Variants in SCARA3 observed in about 807,000 individuals in gnomAD.
SCARA3 encodes the protein scavenger receptor class A member 3, also known as cellular stress response gene protein.
Under a neutral mutation model 47.0 loss-of-function variants are expected in SCARA3, and 39 were observed. The observed-to-expected ratio is 0.83, with a 90% CI of 0.64 to 1.08. The LOEUF is 1.08. SCARA3 is among the 50% of genes least tolerant of loss of function. The pLI is 0.00. For missense variants in SCARA3, 724 were observed against 792.3 expected, an observed-to-expected ratio of 0.91 and a Z score of 1.04; for synonymous variants, 356 against 334.1, an observed-to-expected ratio of 1.07 and a Z score of -0.71.
intron 3 of SCARA3, among the ~76,000 whole-genome samples, chr8:27,655,076 A>C (rs1801715416): frequency 6.6e-6 from 1 of 152,208 alleles, no homozygotes. Flanking sequence ...GTTACTAATT[A>C]AGTAAATCTA....
At chr8:27,674,239 A>G (rs527456568), downstream of SCARA3, among the ~76,000 whole-genome samples, 1 of 152,212 alleles carries the variant, frequency 6.6e-6, no homozygotes, top group Non-Finnish European at 1.5e-5. Flanking sequence ...CAAAGCTTGA[A>G]GCAAATGCTG....
At chr8:27,729,577 G>A in the SCARA3 span, among the ~76,000 whole-genome samples, 1 of 152,156 alleles carries the variant, frequency 6.6e-6, no homozygotes, top group Non-Finnish European at 1.5e-5. Context: ...GATTGCCTGA[G>A]CTCAGGAGTT....
the SCARA3 span, among the ~76,000 whole-genome samples, chr8:27,699,051 TG>T: frequency 6.6e-5 from 10 of 152,014 alleles, no homozygotes; most frequent in African/African-American, 2.4e-4. Flanking sequence ...GAGACCATCC[TG>T]GCTAACATGG....
At chr8:27,682,841 A>G in the SCARA3 span, among the ~76,000 whole-genome samples, 5 of 152,202 alleles carry the variant, frequency 3.3e-5, no homozygotes, top group South Asian at 2.1e-4. Context: ...AGGTATTGAT[A>G]GATAACTACT....
chr8:27,671,123 A>G lies in SCARA3; in HGVS notation c.1593A>G (p.Gly531=), dbSNP rs748887454. Residue 531 remains glycine, a synonymous_variant, in exon 6 of 6, where the codon GGA becomes GGG. Coordinates refer to ENST00000301904, the MANE Select transcript of SCARA3 (RefSeq NM_016240.3). ...GCTCAAAGGGCAGCTTTGGAACTGG[A>G]GGGCCGAGAGGACAGCCAGGCCCAA... The part of the protein sequence containing the change: ...LKGSKGSFGT[G]GPRGQPGPKG... 1 of 1,584,156 alleles carries G rather than the reference A, an allele frequency of 6.3e-7. No individual in the cohort carries two copies. Among genetic ancestry groups the G allele is most frequent in the East Asian group, 2.3e-5 (1 of 43,294 alleles).
intron 3 of SCARA3, among the ~76,000 whole-genome samples, chr8:27,654,612 T>C (rs116731029): frequency 0.02 from 2,951 of 146,004 alleles, 90 homozygotes; most frequent in African/African-American, 0.069. Flanking sequence ...AAAAAAAAAA[T>C]TGAAAATTAA....
the SCARA3 span, among the ~76,000 whole-genome samples, chr8:27,692,184 G>A: frequency 6.6e-6 from 1 of 152,144 alleles, no homozygotes; most frequent in Non-Finnish European, 1.5e-5. Flanking sequence ...TGTAATCCCA[G>A]CACTTTGGGT....
the SCARA3 span, chr8:27,697,170 A>C: frequency 1.9e-5 from 4 of 205,926 alleles, no homozygotes; most frequent in South Asian, 3.9e-4. Context: ...AGTGTGTCCT[A>C]AGGCAGTTCA....
chr8:27,690,743 T>C, the SCARA3 span, among the ~76,000 whole-genome samples: 3 of 152,196 alleles, frequency 2.0e-5, no homozygotes, highest in Non-Finnish European at 4.4e-5. Context: ...TCACCCAGGC[T>C]GTAGTGCAGT....
chr8:27,716,868 C>T, the SCARA3 span, among the ~76,000 whole-genome samples: 2 of 152,144 alleles, frequency 1.3e-5, no homozygotes, highest in African/African-American at 2.4e-5. Context: ...AAACGAACAC[C>T]GCCAGGAATG....
chr8:27,633,644 G>T (rs1333398022), upstream of SCARA3, among the ~76,000 whole-genome samples: 1 of 152,164 alleles, frequency 6.6e-6, no homozygotes, highest in East Asian at 1.9e-4. Context: ...AGGACGCCGC[G>T]GGAGCCCGGG....
downstream of SCARA3, among the ~76,000 whole-genome samples, chr8:27,678,858 A>T (rs1221353709): frequency 1.3e-5 from 2 of 152,218 alleles, no homozygotes; most frequent in South Asian, 4.1e-4. Flanking sequence ...AGTGGGGTTT[A>T]TCTCAGTATA....
chr8:27,656,965 C>T (rs1216661787), intron 4 of SCARA3, 85 bp downstream of exon 4: 10 of 844,316 alleles, frequency 1.2e-5, no homozygotes, highest in Middle Eastern at 2.4e-4. Flanking sequence ...GCCCCAGCAC[C>T]AAGCAACCTT....
chr8:27,674,202 G>T (rs1014189126), downstream of SCARA3, among the ~76,000 whole-genome samples: 3 of 152,212 alleles, frequency 2.0e-5, no homozygotes, highest in African/African-American at 7.2e-5. Flanking sequence ...GGAACCTGGG[G>T]TTTAAGGGGA....
the SCARA3 span, among the ~76,000 whole-genome samples, chr8:27,693,844 A>G: frequency 1.3e-5 from 2 of 152,176 alleles, no homozygotes; most frequent in South Asian, 2.1e-4. Flanking sequence ...CCAATTGCCA[A>G]TCAGAAAGTG....
the SCARA3 span, among the ~76,000 whole-genome samples, chr8:27,713,699 C>A: frequency 1.3e-5 from 2 of 152,166 alleles, no homozygotes; most frequent in Non-Finnish European, 2.9e-5. Context: ...TCTGCTGCTA[C>A]AAAAAGATAT....
intron 3 of SCARA3, among the ~76,000 whole-genome samples, chr8:27,654,988 C>A (rs1415096792): frequency 6.6e-6 from 1 of 152,178 alleles, no homozygotes; most frequent in African/African-American, 2.4e-5. Context: ...CAAATGGAAT[C>A]ATAACTATTG....
chr8:27,717,353 A>G, the SCARA3 span, among the ~76,000 whole-genome samples: 1 of 152,180 alleles, frequency 6.6e-6, no homozygotes, highest in African/African-American at 2.4e-5. Context: ...TGAGAACGAC[A>G]CCAACGAACA....
At chr8:27,699,000 T>C in the SCARA3 span, among the ~76,000 whole-genome samples, 1 of 152,012 alleles carries the variant, frequency 6.6e-6, no homozygotes, top group Non-Finnish European at 1.5e-5. Context: ...ATCTCAGCAC[T>C]CTGGGAGGCC....
Sources: allele counts gnomAD v4.1 joint callset (sites outside exome capture counted in the v4.1 genomes callset), GRCh38; gene constraint gnomAD v4.1.1; transcripts MANE v1.5; gene names NCBI Gene and HGNC (gene_info 2026-07-23, HGNC 2026-07-21).